The following NXPH1 variants were observed in gnomAD, a reference collection of about 807,000 sequenced individuals.
NXPH1 encodes the protein neurexophilin-1.
In NXPH1, 5 loss-of-function variants were observed where a neutral mutation model predicts 23.7. The observed-to-expected ratio is 0.21, with a 90% CI of 0.11 to 0.44. The LOEUF (loss-of-function observed/expected upper bound fraction) is 0.44, where lower values mean the gene tolerates loss of function less well. Among genes scored for constraint, NXPH1 ranks in the 20% least tolerant of loss-of-function variants. The pLI is 0.99. For missense variants in NXPH1, 324 were observed against 321.6 expected (o/e 1.01, Z -0.06); for synonymous variants, 144 against 122.2 (o/e 1.18, Z -1.18).
At chr7:8,578,216 G>A (rs1378673555) in intron 2 of NXPH1, among the ~76,000 whole-genome samples, 1 of 152,120 alleles carries the variant, frequency 6.6e-6, no homozygotes, top group Non-Finnish European at 1.5e-5. Context: ...ATTTACAAAG[G>A]GCTTTCATCC....
At chr7:8,584,230 G>A (rs985237073) in intron 2 of NXPH1, among the ~76,000 whole-genome samples, 1 of 152,126 alleles carries the variant, frequency 6.6e-6, no homozygotes, top group South Asian at 2.1e-4. Context: ...CTTGGCCCTA[G>A]ATAGTCAGAC....
chr7:8,731,558 C>T (rs574393740), intron 2 of NXPH1, among the ~76,000 whole-genome samples: 1 of 152,254 alleles, frequency 6.6e-6, no homozygotes, highest in East Asian at 1.9e-4. Flanking sequence ...TTCCTTCTAA[C>T]AGACAGGACC....
In NXPH1 at chr7:8,710,640, G is replaced by GTTTT. The variant is rs1368543367; in HGVS notation, c.55-40365_55-40362dup. ...TTGAACAAAGCATGTCAACTGTTAC[G>GTTTT]TTTTTTGTTTTTTTTTTTTTTTTTT... On this transcript the variant is annotated intron_variant, in intron 2 of 2. Transcript: ENST00000405863. 2.5e-3 allele frequency among the ~76,000 whole-genome samples: 69 copies of GTTTT among 27,674 alleles called. 13 individuals are homozygous for GTTTT. Among genetic ancestry groups the GTTTT allele is most frequent in the Middle Eastern group, 0.023 (1 of 44 alleles). The allele number at this position is 27,674 out of a possible 152,430, so 18.2% of individuals were successfully genotyped here.
intron 2 of NXPH1, among the ~76,000 whole-genome samples, chr7:8,680,880 A>T (rs1821039530): frequency 6.6e-6 from 1 of 152,234 alleles, no homozygotes; most frequent in Non-Finnish European, 1.5e-5. Context: ...TTCTATTAAC[A>T]GAATATTAGT....
intron 2 of NXPH1, among the ~76,000 whole-genome samples, chr7:8,560,944 C>T (rs1409139662): frequency 1.3e-5 from 2 of 151,638 alleles, no homozygotes; most frequent in Non-Finnish European, 3.0e-5. Context: ...TGAGCTTCAC[C>T]ATGCTAACCT....
chr7:8,498,164 C>CTT lies in NXPH1; in HGVS notation c.54+62397_54+62398insTT, dbSNP rs1817370165. On this transcript the variant is annotated intron_variant, in intron 2 of 2. Transcript: ENST00000405863. ...GTACACACGCAAGTTATTATTATTA[C>CTT]AAGTACCTTATTTAGATGGACATCA... Among the ~76,000 whole-genome samples, 3 of 151,808 alleles carry CTT rather than the reference C, an allele frequency of 2.0e-5. No individual in the cohort carries two copies. In the South Asian group the frequency reaches 6.2e-4, roughly 31 times the overall value.
chr7:8,587,717 T>C (rs188902547), intron 2 of NXPH1, among the ~76,000 whole-genome samples: 121 of 152,270 alleles, frequency 7.9e-4, no homozygotes, highest in African/African-American at 2.7e-3. Context: ...CTCCCACTTA[T>C]GAGTGAGAAC....
chr7:8,689,809 T>C (rs890197445), intron 2 of NXPH1, among the ~76,000 whole-genome samples: 3 of 152,190 alleles, frequency 2.0e-5, no homozygotes, highest in African/African-American at 7.2e-5. Context: ...TCTATGGATC[T>C]ATCATGGACT....
intron 2 of NXPH1, among the ~76,000 whole-genome samples, chr7:8,556,392 T>G (rs1350935216): frequency 1.3e-5 from 2 of 151,688 alleles, no homozygotes; most frequent in South Asian, 2.1e-4. Flanking sequence ...CCTCCAAGAT[T>G]GCTCACTCAC....
At chr7:8,450,928 T>TAAG (rs4034215) in intron 2 of NXPH1, among the ~76,000 whole-genome samples, 16,231 of 152,196 alleles carry the variant, frequency 0.11, 1,089 homozygotes, top group African/African-American at 0.19. Context: ...GTTTGTGAAA[T>TAAG]AAGTCAGAAA....
At chr7:8,610,630 G>T (rs1819597556) in intron 2 of NXPH1, among the ~76,000 whole-genome samples, 1 of 151,996 alleles carries the variant, frequency 6.6e-6, no homozygotes, top group Non-Finnish European at 1.5e-5. Context: ...ATCCCCAGAT[G>T]ATAACAGGGC....
At position 8,644,367 on chromosome 7, in the gene NXPH1, C is replaced by G. The variant is rs140008142; in HGVS notation, c.55-106641C>G. ...TTTGCTGACTCTGAGCTTGGAGTTTCTCTGGAGTTCCTTTGGGAAGAAAGG... is the reference window on the plus strand; with the variant it reads ...TTTGCTGACTCTGAGCTTGGAGTTTGTCTGGAGTTCCTTTGGGAAGAAAGG... On this transcript the variant is annotated intron_variant, in intron 2 of 2. Transcript: ENST00000405863. 2.4e-3 allele frequency among the ~76,000 whole-genome samples: 367 copies of G among 152,284 alleles called. 6 individuals carry two copies. Among genetic ancestry groups the G allele is most frequent in the African/African-American group, 8.2e-3 (341 of 41,556 alleles).
At chr7:8,664,493 T>C (rs1820729869) in intron 2 of NXPH1, among the ~76,000 whole-genome samples, 1 of 152,128 alleles carries the variant, frequency 6.6e-6, no homozygotes, top group South Asian at 2.1e-4. Context: ...ATCTATTTAC[T>C]GTAGAAACTT....
Position 8,667,639 on chromosome 7 carries a change from C to A in NXPH1, c.55-83369C>A, listed in dbSNP as rs144016800. On this transcript the variant is annotated intron_variant, in intron 2 of 2. Coordinates refer to ENST00000405863, the MANE Select transcript of NXPH1 (RefSeq NM_152745.3). ...TCTTCTATTTGCCTTTGATTTTTGG[C>A]AGATTGTTTATAATATGTCTTTGTG... Among the ~76,000 whole-genome samples the A allele has an allele frequency of 4.8e-4, 73 of 152,020 alleles. No homozygotes were observed. In the East Asian group the frequency reaches 0.012, roughly 26 times the overall value.
chr7:8,695,772 G>A (rs562318119), intron 2 of NXPH1, among the ~76,000 whole-genome samples: 2 of 152,156 alleles, frequency 1.3e-5, no homozygotes, highest in African/African-American at 4.8e-5. Context: ...CAAATGTTAA[G>A]ATTCAGATTG....
intron 2 of NXPH1, among the ~76,000 whole-genome samples, chr7:8,645,878 G>A (rs1350540545): frequency 1.3e-5 from 2 of 151,936 alleles, no homozygotes; most frequent in Admixed American, 1.3e-4. Context: ...TATATTTATA[G>A]GTCCAATTCT....
intron 2 of NXPH1, among the ~76,000 whole-genome samples, chr7:8,724,818 G>A (rs1236642382): frequency 2.6e-5 from 4 of 152,058 alleles, no homozygotes; most frequent in Non-Finnish European, 5.9e-5. Context: ...GCTTATTTAT[G>A]AGATCTCTCT....
chr7:8,607,002 G>T (rs946458004), intron 2 of NXPH1, among the ~76,000 whole-genome samples: 3 of 151,990 alleles, frequency 2.0e-5, no homozygotes, highest in Non-Finnish European at 4.4e-5. Flanking sequence ...AGTAAATTTG[G>T]TAATCTGAGG....
intron 2 of NXPH1, among the ~76,000 whole-genome samples, chr7:8,539,664 C>T (rs891137740): frequency 1.3e-5 from 2 of 151,612 alleles, no homozygotes; most frequent in Admixed American, 1.3e-4. Flanking sequence ...ATTGTTAATG[C>T]TGGAAATAAA....
Sources: gnomAD v4.1 joint callset for allele counts (sites outside exome capture counted in the v4.1 genomes callset) on GRCh38, gnomAD v4.1.1 for gene constraint, MANE v1.5 for transcripts, NCBI Gene and HGNC (gene_info 2026-07-23, HGNC 2026-07-21) for gene names.